Variants in SRRM3 observed in about 807,000 individuals in gnomAD.
SRRM3 encodes the protein serine/arginine repetitive matrix protein 3.
In SRRM3, 27 loss-of-function variants were observed where a neutral mutation model predicts 66.2. The ratio of observed to expected loss-of-function variants is 0.41; its 90% CI spans 0.30 to 0.56. The LOEUF is 0.56. Among genes scored for constraint, SRRM3 ranks in the 20% least tolerant of loss-of-function variants. The pLI, the probability that SRRM3 is intolerant of heterozygous loss-of-function variation, is 0.32. For missense variants in SRRM3, 918 were observed against 991.9 expected, an observed-to-expected ratio of 0.93 and a Z score of 1.00; for synonymous variants, 391 against 414.9, an observed-to-expected ratio of 0.94 and a Z score of 0.70.
intron 11 of SRRM3, among the ~76,000 whole-genome samples, chr7:76,272,298 T>C (rs1353701261): frequency 2.0e-5 from 3 of 152,180 alleles, no homozygotes; most frequent in Non-Finnish European, 4.4e-5. Context: ...CAGTGACTTA[T>C]GCCGGTAATG....
At chr7:76,259,759 G>A in intron 3 of SRRM3, 147 bp from the exon 4 acceptor site, 1 of 1,227,228 alleles carries the variant, frequency 8.1e-7, no homozygotes, top group Non-Finnish European at 1.1e-6. Context: ...AGCCCTGTAA[G>A]GCCAGGGGCC....
intron 3 of SRRM3, among the ~76,000 whole-genome samples, chr7:76,256,371 G>C (rs1563628731): frequency 1.3e-5 from 2 of 151,996 alleles, no homozygotes; most frequent in Non-Finnish European, 2.9e-5. Context: ...GCCGGGCGTG[G>C]TGGCAGGTGC....
chr7:76,211,422 G>C (rs1186772794), intron 1 of SRRM3, among the ~76,000 whole-genome samples: 1 of 151,876 alleles, frequency 6.6e-6, no homozygotes, highest in Non-Finnish European at 1.5e-5. Context: ...TTGGGGGGCG[G>C]GGGGGGAATT....
rs1242725762 is a variant in SRRM3, at chr7:76,256,710, C to G, written c.336-3196C>G. ...GGTTTTGGTGGGTTTTGGCCGGCTT[C>G]TTTTTCTTTTTTTTTTTTTTTGGAG... On this transcript the variant is annotated intron_variant, in intron 3 of 14. Transcript: ENST00000611745. Among the ~76,000 whole-genome samples, 6 of 147,302 alleles carry G rather than the reference C, an allele frequency of 4.1e-5. 1 individual carries two copies. In the South Asian group the frequency reaches 1.1e-3, roughly 26 times the overall value.
rs1234279621 is a variant in SRRM3, at chr7:76,208,385, G to A, written c.-40+6318G>A. 2.6e-5 allele frequency among the ~76,000 whole-genome samples: 4 copies of A among 151,642 alleles called. 1 individual carries two copies. The highest frequency in any genetic ancestry group is 6.3e-3 in the Middle Eastern group (2 of 316). ...CAGGTCCTGGGTTGGAAAGCACCCC[G>A]GAGCCAGGTATGGTGGCTCATGCCT... is the stretch of plus-strand genomic sequence containing the variant. On this transcript the variant is annotated intron_variant, in intron 1 of 14. Transcript: ENST00000611745.
intron 11 of SRRM3, chr7:76,267,675 A>G (rs1346175571): frequency 2.6e-6 from 1 of 387,388 alleles, no homozygotes; most frequent in Non-Finnish European, 4.5e-6. Context: ...GTCTTGGGCC[A>G]CCCTTGCGCT....
chr7:76,265,621 T>C (rs183497236), intron 10 of SRRM3, among the ~76,000 whole-genome samples, 153 bp downstream of exon 10: 36 of 151,562 alleles, frequency 2.4e-4, no homozygotes, highest in Admixed American at 5.3e-4. Context: ...GGTGGCTCAC[T>C]GCTGTAGTCT....
At chr7:76,273,972 T>C (rs1554610803) in intron 11 of SRRM3, among the ~76,000 whole-genome samples, 1 of 152,242 alleles carries the variant, frequency 6.6e-6, no homozygotes, top group Non-Finnish European at 1.5e-5. Context: ...CTGTGTGGTT[T>C]AGCATTCCAA....
At chr7:76,204,677 CCA>C (rs1284464350) in intron 1 of SRRM3, among the ~76,000 whole-genome samples, 5 of 152,132 alleles carry the variant, frequency 3.3e-5, no homozygotes, top group Non-Finnish European at 7.4e-5. Flanking sequence ...GAACATGAGT[CCA>C]AGGACCTTCT....
In SRRM3 at chr7:76,282,658, C is replaced by A; in HGVS notation, c.1381C>A (p.Arg461=). ...GTCTCCCTCCTCCAGGGCCAAGGAG[C>A]GGCCCCCGCGCGCGCGGCCCGCCAG... ...HGGHGKRAKE[R]PPRARPASTS... Residue 461 remains arginine, a synonymous_variant, in exon 13 of 15, where the codon CGG becomes AGG. Transcript: ENST00000611745. 1 of 1,403,950 alleles carries A rather than the reference C, an allele frequency of 7.1e-7. No homozygotes were observed. The highest frequency in any genetic ancestry group is 1.5e-5 in the African/African-American group (1 of 65,852). 87.0% of individuals were successfully genotyped at this position (1,403,950 alleles called of 1,614,324 possible).
At chr7:76,234,205 G>A (rs1196420613) in intron 1 of SRRM3, among the ~76,000 whole-genome samples, 4 of 151,760 alleles carry the variant, frequency 2.6e-5, no homozygotes, top group Admixed American at 2.6e-4. Context: ...GTGTGTGTGT[G>A]TGTGTGTGTG....
chr7:76,203,885 G>T (rs1197513472), intron 1 of SRRM3, among the ~76,000 whole-genome samples: 1 of 152,286 alleles, frequency 6.6e-6, no homozygotes, highest in East Asian at 1.9e-4. Context: ...TGGGGAGCCT[G>T]AGGCAGGTGG....
At chr7:76,213,882 G>A (rs1340440521) in intron 1 of SRRM3, among the ~76,000 whole-genome samples, 1 of 152,042 alleles carries the variant, frequency 6.6e-6, no homozygotes, top group African/African-American at 2.4e-5. Flanking sequence ...CGATCCTCCT[G>A]CCTCAGCCTC....
intron 1 of SRRM3, among the ~76,000 whole-genome samples, chr7:76,220,498 C>T (rs1800682373): frequency 6.6e-6 from 1 of 152,160 alleles, no homozygotes; most frequent in African/African-American, 2.4e-5. Context: ...AGGGCTTTCT[C>T]CTGTGGTCTG....
chr7:76,248,548 C>A (rs956692447), intron 3 of SRRM3, among the ~76,000 whole-genome samples: 1 of 152,178 alleles, frequency 6.6e-6, no homozygotes, highest in South Asian at 2.1e-4. Context: ...CAGTGGGAGG[C>A]ATGGGGAAGG....
intron 5 of SRRM3, among the ~76,000 whole-genome samples, chr7:76,260,409 C>T (rs1554608478): frequency 1.4e-5 from 2 of 146,746 alleles, no homozygotes; most frequent in African/African-American, 5.0e-5. Context: ...TAGGCCCCGC[C>T]CCTCGACAAG....
intron 8 of SRRM3, among the ~76,000 whole-genome samples, chr7:76,262,607 A>G (rs782691573): frequency 7.3e-5 from 11 of 151,456 alleles, no homozygotes; most frequent in Admixed American, 2.6e-4. Context: ...GGATCATTTG[A>G]AGTCAGGACT....
chr7:76,237,632 T>A (rs953081656), intron 2 of SRRM3, among the ~76,000 whole-genome samples: 11 of 151,976 alleles, frequency 7.2e-5, no homozygotes, highest in Non-Finnish European at 1.6e-4. Context: ...AAATTCTGTC[T>A]GGAGAGTCAA....
intron 8 of SRRM3, among the ~76,000 whole-genome samples, chr7:76,262,820 A>AAAAGAAAGAAAG (rs144957959): frequency 1.3e-5 from 2 of 150,110 alleles, no homozygotes; most frequent in African/African-American, 4.9e-5. Context: ...CATCTCAAAA[A>AAAAGAAAGAAAG]AAAGAAAGAA....
Sources: allele counts gnomAD v4.1 joint callset (sites outside exome capture counted in the v4.1 genomes callset), GRCh38; gene constraint gnomAD v4.1.1; transcripts MANE v1.5; gene names NCBI Gene and HGNC (gene_info 2026-07-23, HGNC 2026-07-21).